The following CLNK variants were observed in gnomAD, a reference collection of about 807,000 sequenced individuals.
CLNK encodes cytokine dependent hematopoietic cell linker, also known as cytokine-dependent hematopoietic cell linker.
A neutral mutation model predicts 68.6 loss-of-function variants in CLNK; 74 were observed. The ratio of observed to expected loss-of-function variants is 1.08; its 90% CI spans 0.89 to 1.31. The LOEUF is 1.31. CLNK is among the 50% of genes most tolerant of loss of function. CLNK has a pLI of 0.00. For missense variants in CLNK, 553 were observed against 515.3 expected (o/e 1.07, Z -0.71); for synonymous variants, 198 against 172.2 (o/e 1.15, Z -1.17).
rs111508379 is a variant in CLNK, at chr4:10,663,247, G to C, written c.11+4612C>G. 8.1e-3 allele frequency among the ~76,000 whole-genome samples: 1,236 copies of C among 152,316 alleles called. 19 individuals carry two copies. The highest frequency in any genetic ancestry group is 0.029 in the African/African-American group (1,185 of 41,558). ...GCACCGAGGAATGAGGCTTTCTGAA[G>C]TTTAATGGATTGCTAGGGAAGCTGC... On this transcript the variant is annotated intron_variant, in intron 2 of 18. Transcript: ENST00000226951.
intron 1 of CLNK, among the ~76,000 whole-genome samples, chr4:10,671,252 G>A (rs13136584): frequency 0.47 from 71,619 of 151,766 alleles, 17,141 homozygotes; most frequent in South Asian, 0.54. Context: ...TGGGTATGGT[G>A]GTGGGCGCCT....
intron 1 of CLNK, among the ~76,000 whole-genome samples, chr4:10,669,838 T>C (rs1724558371): frequency 6.6e-6 from 1 of 152,190 alleles, no homozygotes; most frequent in Non-Finnish European, 1.5e-5. Flanking sequence ...CATTCACTGA[T>C]GGCCCACTGT....
chr4:10,590,026 A>G (rs1444532996), intron 3 of CLNK, among the ~76,000 whole-genome samples: 1 of 151,988 alleles, frequency 6.6e-6, no homozygotes, highest in Admixed American at 6.5e-5. Context: ...TCCCCTCCAC[A>G]TTTGGGCCTA....
intron 18 of CLNK, among the ~76,000 whole-genome samples, chr4:10,499,828 C>T (rs546972030): frequency 2.0e-5 from 3 of 152,288 alleles, no homozygotes; most frequent in East Asian, 3.9e-4. Flanking sequence ...CTCACATGGT[C>T]GCCCCTCTGT....
intron 7 of CLNK, among the ~76,000 whole-genome samples, chr4:10,563,528 A>G (rs1471996367): frequency 6.6e-6 from 1 of 152,226 alleles, no homozygotes; most frequent in Non-Finnish European, 1.5e-5. Flanking sequence ...AAATTGTTTT[A>G]TACCAGAATT....
chr4:10,597,306 C>T (rs768803007), intron 3 of CLNK, among the ~76,000 whole-genome samples: 4 of 152,120 alleles, frequency 2.6e-5, no homozygotes, highest in African/African-American at 4.8e-5. Context: ...GACGGTTCTG[C>T]GCATGAGGAT....
chr4:10,656,298 T>C (rs1471809609), intron 2 of CLNK, among the ~76,000 whole-genome samples: 1 of 53,822 alleles, frequency 1.9e-5, no homozygotes, highest in East Asian at 4.8e-4. Context: ...AAATAATGCA[T>C]ACAAATCAAT....
At chr4:10,636,869 G>T (rs780785233) in intron 2 of CLNK, among the ~76,000 whole-genome samples, 1 of 152,158 alleles carries the variant, frequency 6.6e-6, no homozygotes, top group Non-Finnish European at 1.5e-5. Context: ...AGTCTTCCCA[G>T]TTCTTCAGAG....
intron 1 of CLNK, among the ~76,000 whole-genome samples, chr4:10,669,089 C>A (rs1045907063): frequency 1.3e-5 from 2 of 152,106 alleles, no homozygotes; most frequent in African/African-American, 2.4e-5. Flanking sequence ...CATATGGCAC[C>A]CCACTGAGCC....
chr4:10,578,613 G>A (rs1237031309), intron 4 of CLNK, among the ~76,000 whole-genome samples: 1 of 67,154 alleles, frequency 1.5e-5, no homozygotes, highest in African/African-American at 6.2e-5. Flanking sequence ...TTGAGATGGA[G>A]TTTTGCTCTG....
intron 4 of CLNK, among the ~76,000 whole-genome samples, chr4:10,574,078 C>T (rs1325491148): frequency 6.6e-6 from 1 of 152,204 alleles, no homozygotes; most frequent in African/African-American, 2.4e-5. Flanking sequence ...CCTTTTATCT[C>T]TCAGTCTCCT....
At chr4:10,601,424 G>A (rs1721587668) in intron 2 of CLNK, among the ~76,000 whole-genome samples, 1 of 152,186 alleles carries the variant, frequency 6.6e-6, no homozygotes, top group South Asian at 2.1e-4. Flanking sequence ...AGTGGTTAAA[G>A]CCTGTTTGAA....
intron 2 of CLNK, among the ~76,000 whole-genome samples, chr4:10,611,507 A>AAAAT (rs1553857358): frequency 6.6e-6 from 1 of 151,390 alleles, no homozygotes; most frequent in Non-Finnish European, 1.5e-5. Flanking sequence ...AAAAAAAAAA[A>AAAAT]AAAATGTAGT....
At chr4:10,677,079 A>T (rs1303261977) in intron 1 of CLNK, among the ~76,000 whole-genome samples, 1 of 150,974 alleles carries the variant, frequency 6.6e-6, no homozygotes, top group African/African-American at 2.4e-5. Flanking sequence ...CCCAACTGTG[A>T]TTGTTTCTCC....
intron 12 of CLNK, among the ~76,000 whole-genome samples, chr4:10,530,966 C>T (rs574182548): frequency 7.9e-5 from 12 of 152,224 alleles, no homozygotes; most frequent in South Asian, 4.1e-4. Context: ...TTTCTTGGCA[C>T]GATTGTCTTA....
the CLNK span, among the ~76,000 whole-genome samples, chr4:10,733,602 T>G: frequency 1.3e-5 from 2 of 152,252 alleles, no homozygotes; most frequent in African/African-American, 4.8e-5. Flanking sequence ...ATTAATTTTA[T>G]GCACTACCTG....
At chr4:10,675,462 G>C (rs1018359458) in intron 1 of CLNK, among the ~76,000 whole-genome samples, 2 of 152,072 alleles carry the variant, frequency 1.3e-5, no homozygotes, top group African/African-American at 2.4e-5. Context: ...TGCAACAATC[G>C]CATTTCCTTG....
chr4:10,506,976 T>G (rs1717324822), intron 17 of CLNK, among the ~76,000 whole-genome samples: 1 of 151,288 alleles, frequency 6.6e-6, no homozygotes, highest in African/African-American at 2.4e-5. Flanking sequence ...ATTTTTTTTT[T>G]TGGTATTTTT....
At chr4:10,553,517 T>TCTTG (rs1398034323) in intron 8 of CLNK, among the ~76,000 whole-genome samples, 1 of 152,052 alleles carries the variant, frequency 6.6e-6, no homozygotes, top group Non-Finnish European at 1.5e-5. Context: ...AGTGGCGCAA[T>TCTTG]CTTGGCTCGC....
Sources: allele counts gnomAD v4.1 joint callset (sites outside exome capture counted in the v4.1 genomes callset), GRCh38; gene constraint gnomAD v4.1.1; transcripts MANE v1.5; gene names NCBI Gene and HGNC (gene_info 2026-07-23, HGNC 2026-07-21).